Variants in MRTFB observed in about 807,000 individuals in gnomAD.
MRTFB encodes myocardin-related transcription factor B.
A neutral mutation model predicts 104.2 loss-of-function variants in MRTFB; 29 were observed. That is an observed-to-expected ratio of 0.28 (90% confidence interval 0.21 to 0.38). The LOEUF is 0.38. Among genes scored for constraint, MRTFB ranks in the 10% least tolerant of loss-of-function variants. The pLI, the probability that MRTFB is intolerant of heterozygous loss-of-function variation, is 1.00. For synonymous variants in MRTFB, 535 were observed against 519.5 expected (o/e 1.03, Z -0.41); for missense variants, 1,270 against 1,341.6 (o/e 0.95, Z 0.83).
chr16:14,080,384 G>A (rs2034325197), intron 2 of MRTFB, among the ~76,000 whole-genome samples: 1 of 152,088 alleles, frequency 6.6e-6, no homozygotes, highest in South Asian at 2.1e-4. Flanking sequence ...AAAATTGTAT[G>A]TATGTATTGT....
chr16:14,174,096 T>G (rs190883203), intron 3 of MRTFB, among the ~76,000 whole-genome samples: 9 of 152,326 alleles, frequency 5.9e-5, no homozygotes, highest in Admixed American at 5.2e-4. Flanking sequence ...TTTTTGAGGA[T>G]TCTATGTATA....
At chr16:14,252,232 A>G in intron 14 of MRTFB, 133 bp from the exon 15 acceptor site, 1 of 1,384,506 alleles carries the variant, frequency 7.2e-7, no homozygotes, top group Non-Finnish European at 9.8e-7. Flanking sequence ...TCAGCCTCAC[A>G]GGTGCTTAAA....
At position 14,084,748 on chromosome 16, in the gene MRTFB, AC is replaced by A. The variant is rs376445043; in HGVS notation, c.-64+5395del. Among the ~76,000 whole-genome samples the A allele has an allele frequency of 3.4e-3, 521 of 152,322 alleles. 2 individuals carry two copies. The highest frequency in any genetic ancestry group is 9.5e-3 in the African/African-American group (395 of 41,576). On this transcript the variant is annotated intron_variant, in intron 2 of 16. Transcript: ENST00000571589. ...AATCTCTTCTGTCTAAAGGATTTTA[AC>A]AGTTTCTGATATGAGTGTGATCTTT...
chr16:14,081,884 T>G (rs960005321), intron 2 of MRTFB, among the ~76,000 whole-genome samples: 2 of 152,198 alleles, frequency 1.3e-5, no homozygotes, highest in Admixed American at 6.5e-5. Context: ...TTTGTCCATT[T>G]TTTAATTGGA....
At chr16:14,065,616 G>A in the MRTFB span, among the ~76,000 whole-genome samples, 1 of 152,168 alleles carries the variant, frequency 6.6e-6, no homozygotes, top group African/African-American at 2.4e-5. Context: ...GTGTGATGGT[G>A]CACCTGTAGT....
At chr16:14,103,010 C>A (rs2078025085) in intron 2 of MRTFB, among the ~76,000 whole-genome samples, 1 of 152,146 alleles carries the variant, frequency 6.6e-6, no homozygotes, top group Non-Finnish European at 1.5e-5. Flanking sequence ...CTCTTTCTTC[C>A]ACATCTGCCT....
intron 3 of MRTFB, among the ~76,000 whole-genome samples, chr16:14,159,965 A>T (rs1018293677): frequency 1.3e-5 from 2 of 150,918 alleles, no homozygotes; most frequent in Non-Finnish European, 2.9e-5. Context: ...ATCATTTACA[A>T]ATAAATTACA....
chr16:14,142,089 T>C, intron 3 of MRTFB: 1 of 152,258 alleles, frequency 6.6e-6, no homozygotes, highest in Non-Finnish European at 1.5e-5. Context: ...TCCACCCGCC[T>C]CGACCTCCCA....
At chr16:14,154,422 C>T (rs2038747480) in intron 3 of MRTFB, among the ~76,000 whole-genome samples, 1 of 152,170 alleles carries the variant, frequency 6.6e-6, no homozygotes, top group African/African-American at 2.4e-5. Context: ...ATGGATTTCT[C>T]ATAGATAGCA....
chr16:14,201,808 C>T (rs1597234298), intron 3 of MRTFB, among the ~76,000 whole-genome samples: 1 of 152,110 alleles, frequency 6.6e-6, no homozygotes, highest in African/African-American at 2.4e-5. Context: ...ATTTTATTTT[C>T]TGAATCTATC....
intron 3 of MRTFB, among the ~76,000 whole-genome samples, chr16:14,180,507 C>T (rs2039731826): frequency 6.6e-6 from 1 of 152,178 alleles, no homozygotes; most frequent in Non-Finnish European, 1.5e-5. Context: ...TGTGTTCTGT[C>T]ATTTCTTGAT....
intron 8 of MRTFB, among the ~76,000 whole-genome samples, chr16:14,222,709 A>G (rs2041791141): frequency 1.3e-5 from 2 of 152,158 alleles, no homozygotes; most frequent in African/African-American, 4.8e-5. Context: ...CAACATAGCG[A>G]CACCTTGAAC....
At chr16:14,041,964 T>C in the MRTFB span, among the ~76,000 whole-genome samples, 1 of 152,282 alleles carries the variant, frequency 6.6e-6, no homozygotes, top group African/African-American at 2.4e-5. Flanking sequence ...TTGGGGTATA[T>C]ATCCAGAAGT....
chr16:14,230,972 T>C (rs1205585812), intron 8 of MRTFB, among the ~76,000 whole-genome samples: 2 of 151,762 alleles, frequency 1.3e-5, no homozygotes, highest in African/African-American at 4.9e-5. Context: ...GATGAGTTCA[T>C]GTCCTTTGTA....
At chr16:14,240,834 A>G in intron 10 of MRTFB, 1 of 672,764 alleles carries the variant, frequency 1.5e-6, no homozygotes, top group Non-Finnish European at 2.7e-6. Context: ...AAAAGAAGAG[A>G]AGGATGGGCA....
intron 2 of MRTFB, among the ~76,000 whole-genome samples, chr16:14,088,545 A>G (rs1264988426): frequency 6.6e-6 from 1 of 152,188 alleles, no homozygotes; most frequent in African/African-American, 2.4e-5. Context: ...AGATAACGCT[A>G]CTTTATGAGC....
intron 3 of MRTFB, among the ~76,000 whole-genome samples, chr16:14,181,889 A>G (rs558916556): frequency 2.6e-5 from 4 of 152,296 alleles, no homozygotes; most frequent in African/African-American, 9.6e-5. Context: ...CTTATTAAAT[A>G]TCTGCCTGGG....
chr16:14,156,384 G>A (rs900346997), intron 3 of MRTFB, among the ~76,000 whole-genome samples: 9 of 152,134 alleles, frequency 5.9e-5, no homozygotes, highest in Non-Finnish European at 8.8e-5. Flanking sequence ...CCACCCAAAC[G>A]CTCAGACCTT....
At chr16:14,057,012 A>G in the MRTFB span, among the ~76,000 whole-genome samples, 11 of 152,312 alleles carry the variant, frequency 7.2e-5, no homozygotes, top group African/African-American at 2.6e-4. Context: ...TCCTGTGGAA[A>G]TGGTTGACAT....
Sources: gnomAD v4.1 joint callset for allele counts (sites outside exome capture counted in the v4.1 genomes callset) on GRCh38, gnomAD v4.1.1 for gene constraint, MANE v1.5 for transcripts, NCBI Gene and HGNC (gene_info 2026-07-23, HGNC 2026-07-21) for gene names.